Variants in ATAD2B observed in about 807,000 individuals in gnomAD.
ATAD2B encodes the protein ATPase family AAA domain containing 2B, also known as ATPase family AAA domain-containing protein 2B.
In ATAD2B, 40 loss-of-function variants were observed where a neutral mutation model predicts 167.6. The ratio of observed to expected loss-of-function variants is 0.24; its 90% CI spans 0.19 to 0.31. The LOEUF is 0.31. Among genes scored for constraint, ATAD2B ranks in the 10% least tolerant of loss-of-function variants. The probability of loss-of-function intolerance (pLI) is 1.00; values close to 1 mark genes in which losing one functional copy is unlikely to be tolerated. For missense variants in ATAD2B, 1,242 were observed against 1,757.2 expected (o/e 0.71, Z 5.24); for synonymous variants, 579 against 596.5 (o/e 0.97, Z 0.43).
rs147079162 is a variant in ATAD2B at position 23,826,747 on chromosome 2, T to C, written c.1819+2102A>G. On this transcript the variant is annotated intron_variant, in intron 15 of 27. Coordinates refer to ENST00000238789, the MANE Select transcript of ATAD2B (RefSeq NM_017552.4). Reference sequence around the variant, plus strand: ...TCATTGAAAATGGAATAGAAAAATATGATTAGAGTTGAGTGTTTCATTAAT... The same window carrying C: ...TCATTGAAAATGGAATAGAAAAATACGATTAGAGTTGAGTGTTTCATTAAT... Among the ~76,000 whole-genome samples, 218 of 152,312 alleles carry C rather than the reference T, an allele frequency of 1.4e-3. 4 individuals are homozygous for C. The East Asian group carries it at 0.038, about 27-fold the overall frequency.
intron 13 of ATAD2B, among the ~76,000 whole-genome samples, chr2:23,853,176 G>A (rs1692840734): frequency 6.6e-6 from 1 of 152,158 alleles, no homozygotes; most frequent in Admixed American, 6.5e-5. Flanking sequence ...TACAGCCAAT[G>A]AAGGAAACAG....
intron 22 of ATAD2B, among the ~76,000 whole-genome samples, chr2:23,774,733 C>G (rs1678819708): frequency 6.6e-6 from 1 of 152,024 alleles, no homozygotes; most frequent in African/African-American, 2.4e-5. Context: ...AACCCCGTCT[C>G]TACTAAAAAT....
intron 14 of ATAD2B, among the ~76,000 whole-genome samples, chr2:23,832,860 T>G (rs1689286671): frequency 6.6e-6 from 1 of 152,216 alleles, no homozygotes; most frequent in Non-Finnish European, 1.5e-5. Context: ...TGGACTGTTG[T>G]TAGATGTCCC....
At chr2:23,739,123 C>A in the ATAD2B span, among the ~76,000 whole-genome samples, 1 of 152,174 alleles carries the variant, frequency 6.6e-6, no homozygotes, top group Admixed American at 6.5e-5. Context: ...ACCCCACTGT[C>A]AACATTAGAC....
chr2:23,807,714 G>T (rs900830965), intron 18 of ATAD2B, among the ~76,000 whole-genome samples: 8 of 150,748 alleles, frequency 5.3e-5, no homozygotes, highest in Non-Finnish European at 8.8e-5. Context: ...TACTTGGGAG[G>T]CTGACGCAGG....
At chr2:23,693,397 G>C in the ATAD2B span, 1 of 1,551,740 alleles carries the variant, frequency 6.4e-7, no homozygotes, top group African/African-American at 1.4e-5. Context: ...CGCCCAGGAG[G>C]AGATCCTCAG....
rs1431221926 is a variant in ATAD2B at position 23,810,361 on chromosome 2, T to C, written c.2409A>G (p.Ala803=). The change falls in exon 18 of 28, where the codon GCA becomes GCG. Residue 803 remains alanine (A), a synonymous_variant. Coordinates refer to ENST00000238789, the MANE Select transcript of ATAD2B (RefSeq NM_017552.4). ...RFSVHRLDLP[A]LYSVSAKTPE... is the part of the protein sequence containing the mutation. Reference sequence around the variant, plus strand: ...GTGTTTTGGCACTAACTGAATAAAGTGCTGGGAGATCTAGTCTATGCACAG... The same window carrying C: ...GTGTTTTGGCACTAACTGAATAAAGCGCTGGGAGATCTAGTCTATGCACAG... 1.9e-6 allele frequency: 3 copies of C among 1,613,970 alleles called. No individual in the cohort carries two copies. In the South Asian group the frequency reaches 3.3e-5, roughly 18 times the overall value.
At chr2:23,876,950 C>T (rs569513645) in intron 7 of ATAD2B, among the ~76,000 whole-genome samples, 6 of 151,510 alleles carry the variant, frequency 4.0e-5, no homozygotes, top group Admixed American at 2.6e-4. Context: ...GCCTGTAATC[C>T]CAGCTACTCG....
chr2:23,770,540 T>C (rs138716004), intron 22 of ATAD2B, among the ~76,000 whole-genome samples: 1 of 152,342 alleles, frequency 6.6e-6, no homozygotes, highest in African/African-American at 2.4e-5. Flanking sequence ...AACTTCTGCA[T>C]ACAAAGTCTT....
At chr2:23,923,872 C>T (rs973463845) in intron 1 of ATAD2B, among the ~76,000 whole-genome samples, 3 of 152,148 alleles carry the variant, frequency 2.0e-5, no homozygotes, top group African/African-American at 7.2e-5. Context: ...AAATAGGCAT[C>T]AAGTGTAGTT....
intron 17 of ATAD2B, among the ~76,000 whole-genome samples, chr2:23,814,135 T>C (rs905418802): frequency 1.3e-5 from 2 of 152,036 alleles, no homozygotes; most frequent in African/African-American, 4.8e-5. Context: ...TAAAAAGAAT[T>C]TGTCATAAAC....
intron 24 of ATAD2B, among the ~76,000 whole-genome samples, chr2:23,758,692 C>G (rs1676245843): frequency 6.6e-6 from 1 of 152,206 alleles, no homozygotes; most frequent in Non-Finnish European, 1.5e-5. Flanking sequence ...ATTTGGTGAG[C>G]CAACTGTTAA....
chr2:23,913,327 T>C (rs1184889052), intron 1 of ATAD2B, among the ~76,000 whole-genome samples: 3 of 152,168 alleles, frequency 2.0e-5, no homozygotes, highest in Non-Finnish European at 2.9e-5. Context: ...ATGAATTCAA[T>C]ATATTACTAA....
intron 17 of ATAD2B, among the ~76,000 whole-genome samples, chr2:23,815,516 T>G (rs1327142975): frequency 6.6e-6 from 1 of 152,138 alleles, no homozygotes; most frequent in Non-Finnish European, 1.5e-5. Context: ...AAAGGGGAGA[T>G]GGGCCACTGG....
intron 18 of ATAD2B, among the ~76,000 whole-genome samples, chr2:23,808,067 TA>T (rs56193029): frequency 1.3e-3 from 12 of 9,088 alleles, no homozygotes; most frequent in Non-Finnish European, 2.2e-3. Context: ...CTATAAATTA[TA>T]ATATATAAGT....
intron 23 of ATAD2B, among the ~76,000 whole-genome samples, chr2:23,764,361 A>G (rs933512659): frequency 2.0e-5 from 3 of 152,210 alleles, no homozygotes; most frequent in Non-Finnish European, 2.9e-5. Context: ...ACTCTTGGAT[A>G]GTTTGTTCAA....
intron 1 of ATAD2B, among the ~76,000 whole-genome samples, chr2:23,908,795 T>C (rs1388235836): frequency 4.0e-5 from 6 of 151,892 alleles, no homozygotes; most frequent in Non-Finnish European, 8.8e-5. Flanking sequence ...CACCATGGAA[T>C]ACTATGCAGC....
rs1558707706 is a variant in ATAD2B, at chr2:23,875,885, CT to C, written c.920del (p.Lys307ArgfsTer57). 5 of 1,608,196 alleles carry C rather than the reference CT, an allele frequency of 3.1e-6. No individual in the cohort carries two copies. Among genetic ancestry groups the C allele is most frequent in the Admixed American group, 1.7e-5 (1 of 59,426 alleles). ...APPIVPAHQK[K>X]RENTLFDIHR... The stretch of plus-strand genomic sequence containing the variant: ...GAATATCAAACAGCGTGTTTTCCCT[CT>C]TTTTTTGATGAGCTGGTACTAAAAG... On this transcript the variant is annotated frameshift_variant, in exon 8 of 28. Transcript: ENST00000238789. LOFTEE classifies it high-confidence loss of function.
intron 17 of ATAD2B, among the ~76,000 whole-genome samples, chr2:23,819,072 T>C (rs1275786779): frequency 1.3e-5 from 2 of 152,212 alleles, no homozygotes; most frequent in Non-Finnish European, 1.5e-5. Flanking sequence ...TTCCAGATCA[T>C]GGCAAATATT....
Sources: gnomAD v4.1 joint callset for allele counts (sites outside exome capture counted in the v4.1 genomes callset) on GRCh38, gnomAD v4.1.1 for gene constraint, MANE v1.5 for transcripts, NCBI Gene and HGNC (gene_info 2026-07-23, HGNC 2026-07-21) for gene names.